The following FCAMR variants were observed in gnomAD, a reference collection of about 807,000 sequenced individuals.
The protein encoded by FCAMR is Fc alpha and mu receptor.
In FCAMR, 51 loss-of-function variants were observed where a neutral mutation model predicts 52.2. The ratio of observed to expected loss-of-function variants is 0.98; its 90% confidence interval spans 0.78 to 1.23. The LOEUF is 1.23. Ranked by LOEUF, FCAMR falls within the 50% of genes most tolerant of loss-of-function variation. The pLI, the probability that FCAMR is intolerant of heterozygous loss-of-function variation, is 0.00. For missense variants in FCAMR, 719 were observed against 712.6 expected (o/e 1.01, Z -0.10); for synonymous variants, 282 against 262.0 (o/e 1.08, Z -0.74).
Position 206,960,452 on chromosome 1 carries a change from C to T in FCAMR, c.1424G>A (p.Gly475Glu). Residue 475 changes from glycine (G) to glutamate (E), a missense_variant, in exon 6 of 8, where the codon GGA becomes GAA. Physicochemically the swap from Gly to Glu is moderately conservative, Grantham distance 98 (BLOSUM62 -2). Transcript: ENST00000324852. ...CACGGAGGACTCCTTGCCAGGGGGT[C>T]CCCAGGGTCCTACTGCCGGGGTCTG... Reference protein sequence around the residue: ...LSQTPAVGPWGPPGKESSVKR... With the variant: ...LSQTPAVGPWEPPGKESSVKR... 4 of 1,520,916 alleles carry T rather than the reference C, an allele frequency of 2.6e-6. No homozygotes were observed. The highest frequency in any genetic ancestry group is 3.5e-6 in the Non-Finnish European group (4 of 1,132,870). The allele number at this position is 1,520,916 out of a possible 1,614,324, so 94.2% of individuals were successfully genotyped here.
rs1354895760 is a variant in FCAMR at position 206,962,504 on chromosome 1, C to T, written c.361G>A (p.Gly121Arg). 1.1e-5 allele frequency: 18 copies of T among 1,602,122 alleles called. No individual in the cohort carries two copies. The Admixed American group carries it at 2.9e-4, about 25-fold the overall frequency. Residue 121 changes from glycine (G) to arginine (R), a missense_variant, in exon 5 of 8, where the codon GGA becomes AGA. Physicochemically the swap from Gly to Arg is moderately radical, Grantham distance 125. Transcript: ENST00000324852. ...GSRLVSGEPG[G>R]AVTIQCHYAP... Reference sequence around the variant, plus strand: ...TAATGGCACTGGATGGTGACAGCTCCTCCAGGCTCCCCTGACACCAGCCTT... The same window carrying T: ...TAATGGCACTGGATGGTGACAGCTCTTCCAGGCTCCCCTGACACCAGCCTT...
In FCAMR at chr1:206,960,907, T is replaced by C; in HGVS notation, c.969A>G (p.Thr323=). ...TTCTGGTGCCCTCCCAAACACCTTC[T>C]GTTGTATTGGACATGCTTCTGCTCT... ...PSKSRSMSNT[T]EGVWEGTRSS... is the part of the protein sequence containing the mutation. The change falls in exon 6 of 8, where the codon ACA becomes ACG. Residue 323 remains threonine (T), a synonymous_variant. Transcript: ENST00000324852. 8 of 1,552,360 alleles carry C rather than the reference T, an allele frequency of 5.2e-6. No homozygotes were observed. Among genetic ancestry groups the C allele is most frequent in the Non-Finnish European group, 7.0e-6 (8 of 1,147,144 alleles).
chr1:206,969,840 G>GT (rs1372325879), intron 1 of FCAMR, among the ~76,000 whole-genome samples: 4 of 152,058 alleles, frequency 2.6e-5, no homozygotes, highest in Non-Finnish European at 4.4e-5. Flanking sequence ...TCTTTCTAAC[G>GT]TTTTTTTGGT....
At chr1:206,964,811 G>T (rs1680643726) in intron 4 of FCAMR, among the ~76,000 whole-genome samples, 1 of 152,144 alleles carries the variant, frequency 6.6e-6, no homozygotes, top group African/African-American at 2.4e-5. Context: ...GAACAGTTAA[G>T]CAGTTTGTGG....
intron 4 of FCAMR, among the ~76,000 whole-genome samples, chr1:206,964,546 A>C (rs1268911932): frequency 3.9e-5 from 6 of 151,908 alleles, no homozygotes; most frequent in Non-Finnish European, 7.4e-5. Context: ...CTCAGTTCAC[A>C]TGAGATCTGG....
intron 2 of FCAMR, among the ~76,000 whole-genome samples, chr1:206,967,327 C>T (rs1680753310): frequency 6.6e-6 from 1 of 152,148 alleles, no homozygotes; most frequent in African/African-American, 2.4e-5. Flanking sequence ...GTCACGTCCA[C>T]GAGGCCAAAA....
intron 3 of FCAMR, 54 bp from the exon 4 acceptor site, chr1:206,965,912 G>A: frequency 1.2e-6 from 2 of 1,608,592 alleles, no homozygotes; most frequent in East Asian, 2.3e-5. Context: ...TGTCCACAAA[G>A]GCACCTACAG....
chr1:206,967,258 C>T lies in FCAMR; in HGVS notation c.109-146G>A, dbSNP rs1680750956. ...TGCAGATATCTGAGAGTAAGACAAG[C>T]ACTTCCCTCCCTGAGAAAGCATGAC... is the stretch of plus-strand genomic sequence containing the variant. On this transcript the variant is annotated intron_variant, in intron 2 of 7. Transcript: ENST00000324852. 6 of 779,882 alleles carry T rather than the reference C, an allele frequency of 7.7e-6. No individual in the cohort carries two copies. The Admixed American group carries it at 1.3e-4, about 17-fold the overall frequency. 48.3% of individuals were successfully genotyped at this position (779,882 alleles called of 1,614,324 possible). A position where few individuals can be genotyped will look rare whatever the true frequency, so the allele number is the denominator to read the frequency against.
chr1:206,967,563 G>C lies in FCAMR; in HGVS notation c.108+20C>G. The C allele has an allele frequency of 6.2e-7, 1 of 1,613,024 alleles. No individual in the cohort carries two copies. Among genetic ancestry groups the C allele is most frequent in the Non-Finnish European group, 8.5e-7 (1 of 1,179,032 alleles). ...AGGAGAATGAAGGAATCTGCAAGGG[G>C]TTGTTGTTACACAACTTACGTGAGA... is the stretch of plus-strand genomic sequence containing the variant. On this transcript the variant is annotated intron_variant, in intron 2 of 7. Transcript: ENST00000324852.
intron 4 of FCAMR, among the ~76,000 whole-genome samples, chr1:206,963,176 G>C (rs1052384338): frequency 3.3e-5 from 5 of 152,058 alleles, no homozygotes; most frequent in African/African-American, 1.2e-4. Flanking sequence ...CCTTCTGCTT[G>C]GTGGGTACCT....
intron 7 of FCAMR, among the ~76,000 whole-genome samples, 177 bp downstream of exon 7, chr1:206,959,502 G>T (rs1029029557): frequency 1.3e-5 from 2 of 149,326 alleles, no homozygotes; most frequent in African/African-American, 5.0e-5. Flanking sequence ...GAAAAGAAAA[G>T]AAAGAAAAAA....
Position 206,967,118 on chromosome 1 carries a change from A to G in FCAMR, c.109-6T>C, listed in dbSNP as rs1330003729. ...CCCGCCCTCCTGCTGGTGACCTGCAAAAAACACTCTAAATGAAAAGAGGCC... is the reference window on the plus strand; with the variant it reads ...CCCGCCCTCCTGCTGGTGACCTGCAGAAAACACTCTAAATGAAAAGAGGCC... On this transcript the variant is annotated splice_region_variant and splice_polypyrimidine_tract_variant and intron_variant, in intron 2 of 7. Coordinates refer to ENST00000324852, the MANE Select transcript of FCAMR (RefSeq NM_001170631.2). 6.2e-7 allele frequency: 1 copy of G among 1,613,754 alleles called. No homozygotes were observed. Among genetic ancestry groups the G allele is most frequent in the Admixed American group, 1.7e-5 (1 of 59,992 alleles).
chr1:206,965,675 T>C, intron 4 of FCAMR, 40 bp downstream of exon 4: 1 of 1,518,432 alleles, frequency 6.6e-7, no homozygotes, highest in Non-Finnish European at 8.8e-7. Flanking sequence ...CTGGGAAGTC[T>C]GAGGTCCATG....
chr1:206,965,873 G>A lies in FCAMR; in HGVS notation c.170-15C>T, dbSNP rs1480259529. The A allele has an allele frequency of 7.5e-6, 12 of 1,608,254 alleles. No homozygotes were observed. Among genetic ancestry groups the A allele is most frequent in the Admixed American group, 1.7e-5 (1 of 59,148 alleles). ...GAAAGAAGAACCTGCAGCAAAGGAAGGAGATGGGTCATCAGGGGGCCATCC... is the reference window on the plus strand; with the variant it reads ...GAAAGAAGAACCTGCAGCAAAGGAAAGAGATGGGTCATCAGGGGGCCATCC... On this transcript the variant is annotated splice_polypyrimidine_tract_variant and intron_variant, in intron 3 of 7. Transcript: ENST00000324852.
chr1:206,970,034 C>G (rs1404348362), intron 1 of FCAMR, 53 bp downstream of exon 1: 1 of 1,603,460 alleles, frequency 6.2e-7, no homozygotes. Flanking sequence ...CTGCAGTTCA[C>G]CCCCCACATT....
intron 5 of FCAMR, among the ~76,000 whole-genome samples, chr1:206,962,010 T>C (rs1680524781): frequency 6.6e-6 from 1 of 152,122 alleles, no homozygotes; most frequent in African/African-American, 2.4e-5. Context: ...ACTGGGGAAG[T>C]TTTTCCTAAA....
intron 4 of FCAMR, among the ~76,000 whole-genome samples, chr1:206,964,682 C>T (rs1680638844): frequency 6.6e-6 from 1 of 151,992 alleles, no homozygotes; most frequent in South Asian, 2.1e-4. Context: ...CGGCACCATG[C>T]TTCCTGTACA....
Position 206,961,368 on chromosome 1 carries a change from A to G in FCAMR, c.653-145T>C. The stretch of plus-strand genomic sequence containing the variant: ...GTCTTTGACCAATAGGTTGGATAAA[A>G]TAAAAAATAGGAAAATGTTTCATTC... On this transcript the variant is annotated intron_variant, in intron 5 of 7. Transcript: ENST00000324852. 3 of 646,904 alleles carry G rather than the reference A, an allele frequency of 4.6e-6. No homozygotes were observed. The South Asian group carries it at 6.7e-5, about 14-fold the overall frequency. 40.1% of individuals were successfully genotyped at this position (646,904 alleles called of 1,614,324 possible).
intron 3 of FCAMR, among the ~76,000 whole-genome samples, chr1:206,966,289 T>C (rs1013049144): frequency 2.0e-5 from 3 of 152,246 alleles, no homozygotes; most frequent in Non-Finnish European, 2.9e-5. Context: ...GCCTGAGTTG[T>C]CGTTTACTGA....
Sources: gnomAD v4.1 joint callset for allele counts (sites outside exome capture counted in the v4.1 genomes callset) on GRCh38, gnomAD v4.1.1 for gene constraint, MANE v1.5 for transcripts, NCBI Gene and HGNC (gene_info 2026-07-23, HGNC 2026-07-21) for gene names.